The following NUP58 variants were observed in gnomAD, a reference collection of about 807,000 sequenced individuals.
NUP58 encodes nucleoporin 58, also known as nucleoporin p58/p45.
A neutral mutation model predicts 70.1 loss-of-function variants in NUP58; 17 were observed. That is an observed-to-expected ratio of 0.24 (90% CI 0.17 to 0.36). The LOEUF is 0.36. NUP58 is among the 10% of genes least tolerant of loss of function. The pLI is 1.00. For missense variants in NUP58, 644 were observed against 701.5 expected (o/e 0.92, Z 0.93); for synonymous variants, 275 against 257.6 (o/e 1.07, Z -0.65).
At chr13:25,325,100 T>G (rs1832126130) in intron 10 of NUP58, 32 bp downstream of exon 10, 1 of 1,458,266 alleles carries the variant, frequency 6.9e-7, no homozygotes, top group Non-Finnish European at 9.6e-7. Context: ...AACAAATGTT[T>G]CTCACTTTCA....
chr13:25,315,321 T>C (rs1420659416), intron 5 of NUP58, 36 bp from the exon 6 acceptor site: 2 of 1,465,786 alleles, frequency 1.4e-6, no homozygotes, highest in Admixed American at 3.5e-5. Context: ...TGTTGTAGTC[T>C]TTTGATGGAA....
At chr13:25,331,964 T>G in intron 13 of NUP58, 1 of 1,036,670 alleles carries the variant, frequency 9.6e-7, no homozygotes, top group Non-Finnish European at 1.2e-6. Context: ...AGGTGGTGCA[T>G]TCTCATTTTC....
chr13:25,313,678 A>T lies in NUP58; in HGVS notation c.501A>T (p.Thr167=), dbSNP rs1411570347. The T allele has an allele frequency of 6.5e-7, 1 of 1,530,686 alleles. No homozygotes were observed. Among genetic ancestry groups the T allele is most frequent in the Non-Finnish European group, 8.7e-7 (1 of 1,152,122 alleles). The allele number at this position is 1,530,686 out of a possible 1,614,324, so 94.8% of individuals were successfully genotyped here. ...GTTATTTTAS[T]GLSLGGALAG... ...CAGCCACAACTACAACTGCATCAAC[A>T]GGCCTCTCTTTAGGGGGAGCCTTAG... The change falls in exon 5 of 16, where the codon ACA becomes ACT. Residue 167 remains threonine, a synonymous_variant. Coordinates refer to ENST00000381736, the MANE Select transcript of NUP58 (RefSeq NM_014089.4).
intron 13 of NUP58, chr13:25,332,964 G>C (rs890010506): frequency 3.0e-6 from 3 of 985,180 alleles, no homozygotes; most frequent in African/African-American, 3.5e-5. Context: ...TAATCCTAAA[G>C]TAGATAAGTG....
chr13:25,343,840 T>TAC (rs1566076168), downstream of NUP58, among the ~76,000 whole-genome samples: 1 of 147,724 alleles, frequency 6.8e-6, no homozygotes, highest in Non-Finnish European at 1.5e-5. Flanking sequence ...CATATATATA[T>TAC]ACGCACACAC....
Position 25,327,028 on chromosome 13 carries a change from C to G in NUP58, c.1144C>G (p.Pro382Ala), listed in dbSNP as rs766163696. ...ATQANNSHITPQDLSMAMQKI... is the reference protein window; with the variant it reads ...ATQANNSHITAQDLSMAMQKI... The stretch of plus-strand genomic sequence containing the variant: ...TCAAGCAAATAATTCACATATAACC[C>G]CTCAAGGTAACATGCTTACTGTGGT... The change falls in exon 11 of 16, where the codon CCT becomes GCT. Residue 382 changes from proline (P) to alanine (A), a missense_variant. By Grantham distance (27) the Pro-to-Ala change is conservative. Transcript: ENST00000381736. 2 of 1,563,210 alleles carry G rather than the reference C, an allele frequency of 1.3e-6. No individual in the cohort carries two copies. Among genetic ancestry groups the G allele is most frequent in the South Asian group, 2.3e-5 (2 of 86,908 alleles).
intron 12 of NUP58, among the ~76,000 whole-genome samples, chr13:25,328,225 G>A (rs2031474925): frequency 6.6e-6 from 1 of 151,896 alleles, no homozygotes. Context: ...AGCATTCTTA[G>A]TAGCAAATGA....
intron 9 of NUP58, 58 bp downstream of exon 9, chr13:25,321,151 T>C: frequency 7.0e-7 from 1 of 1,421,092 alleles, no homozygotes; most frequent in Non-Finnish European, 9.6e-7. Context: ...TTTTCCAAAA[T>C]GGAAATAAGG....
At chr13:25,304,921 C>T (rs2030243482) in intron 1 of NUP58, among the ~76,000 whole-genome samples, 1 of 152,138 alleles carries the variant, frequency 6.6e-6, no homozygotes, top group Non-Finnish European at 1.5e-5. Context: ...GATCAGACTA[C>T]TACCAGCTAA....
At position 25,301,630 on chromosome 13, in the gene NUP58, T is replaced by A; in HGVS notation, c.-144T>A. ...CGTGGTTGCTCCACCCCCTCAGCCT[T>A]GCCTTCGCCGCCGTTGGGGCTGGAA... On this transcript the variant is annotated 5_prime_UTR_variant, in exon 1 of 16. Transcript: ENST00000381736. The A allele has an allele frequency of 2.2e-6, 1 of 450,616 alleles. No homozygotes were observed. The highest frequency in any genetic ancestry group is 2.0e-5 in the African/African-American group (1 of 49,140). The allele number at this position is 450,616 out of a possible 1,614,324, so 27.9% of individuals were successfully genotyped here.
intron 13 of NUP58, chr13:25,335,040 T>A: frequency 1.0e-6 from 1 of 985,238 alleles, no homozygotes; most frequent in Non-Finnish European, 1.2e-6. Context: ...GTGGCCAGAG[T>A]GTAATATATG....
chr13:25,337,066 A>T (rs755091760), intron 14 of NUP58, 32 bp downstream of exon 14: 1 of 1,447,828 alleles, frequency 6.9e-7, no homozygotes, highest in East Asian at 2.3e-5. Context: ...ATTTCATTGA[A>T]CTATTATATA....
intron 9 of NUP58, among the ~76,000 whole-genome samples, chr13:25,321,505 G>C (rs2031183067): frequency 6.6e-6 from 1 of 152,192 alleles, no homozygotes; most frequent in Non-Finnish European, 1.5e-5. Context: ...TATTATATAA[G>C]AGGAAACATA....
chr13:25,305,670 G>C (rs2030313692), intron 1 of NUP58, among the ~76,000 whole-genome samples: 1 of 152,080 alleles, frequency 6.6e-6, no homozygotes, highest in Non-Finnish European at 1.5e-5. Context: ...TTAGCTCTTT[G>C]CCTCAAACTT....
At chr13:25,305,587 C>T (rs1295799546) in intron 1 of NUP58, among the ~76,000 whole-genome samples, 1 of 152,132 alleles carries the variant, frequency 6.6e-6, no homozygotes, top group Non-Finnish European at 1.5e-5. Flanking sequence ...CTCCTTTTAC[C>T]TACTCAGTAT....
chr13:25,309,590 C>T (rs2030550294), intron 3 of NUP58, among the ~76,000 whole-genome samples: 2 of 152,182 alleles, frequency 1.3e-5, no homozygotes, highest in Non-Finnish European at 2.9e-5. Flanking sequence ...AAACACCAAA[C>T]TTTAAGCCAG....
downstream of NUP58, among the ~76,000 whole-genome samples, chr13:25,345,831 G>C (rs577773614): frequency 2.6e-4 from 39 of 152,288 alleles, no homozygotes; most frequent in Middle Eastern, 6.8e-3. Flanking sequence ...ATACATAGGA[G>C]AGAGTAGGGA....
At chr13:25,334,767 G>T in intron 13 of NUP58, 1 of 984,086 alleles carries the variant, frequency 1.0e-6, no homozygotes, top group Non-Finnish European at 1.2e-6. Context: ...AATTTATTCT[G>T]GAAAATATGA....
chr13:25,343,369 A>C (rs1000991110), downstream of NUP58, among the ~76,000 whole-genome samples: 44 of 151,728 alleles, frequency 2.9e-4, no homozygotes, highest in African/African-American at 9.4e-4. Context: ...ACATGTGCAC[A>C]ATGTGCAGGG....
Sources: gnomAD v4.1 joint callset for allele counts (sites outside exome capture counted in the v4.1 genomes callset) on GRCh38, gnomAD v4.1.1 for gene constraint, MANE v1.5 for transcripts, NCBI Gene and HGNC (gene_info 2026-07-23, HGNC 2026-07-21) for gene names.